Variants in CNTNAP2 observed in about 807,000 individuals in gnomAD.
The protein encoded by CNTNAP2 is contactin associated protein 2, also known as contactin-associated protein-like 2.
A neutral mutation model predicts 155.2 loss-of-function variants in CNTNAP2; 98 were observed. That is an observed-to-expected ratio of 0.63 (90% CI 0.54 to 0.75). The LOEUF (loss-of-function observed/expected upper bound fraction) is 0.75, where lower values mean the gene tolerates loss of function less well. Ranked by LOEUF, CNTNAP2 falls within the 30% of genes least tolerant of loss-of-function variation. The probability of loss-of-function intolerance (pLI) is 0.00; values close to 1 mark genes in which losing one functional copy is unlikely to be tolerated. For synonymous variants in CNTNAP2, 651 were observed against 631.2 expected (o/e 1.03, Z -0.47); for missense variants, 1,727 against 1,688.1 (o/e 1.02, Z -0.40).
At chr7:146,756,364 A>G (rs1801995548) in intron 1 of CNTNAP2, among the ~76,000 whole-genome samples, 1 of 152,126 alleles carries the variant, frequency 6.6e-6, no homozygotes, top group Non-Finnish European at 1.5e-5. Context: ...CTCCATTAGC[A>G]TAGTGGTATG....
intron 9 of CNTNAP2, among the ~76,000 whole-genome samples, chr7:147,394,686 C>G (rs934980357): frequency 6.6e-6 from 1 of 151,732 alleles, no homozygotes; most frequent in Non-Finnish European, 1.5e-5. Flanking sequence ...GCATGTTTCT[C>G]TTAAAAAGAT....
intron 1 of CNTNAP2, among the ~76,000 whole-genome samples, chr7:146,469,392 AT>A (rs1280982530): frequency 6.6e-6 from 1 of 151,978 alleles, no homozygotes; most frequent in African/African-American, 2.4e-5. Context: ...AAAAAAAAAA[AT>A]AGTGCCACTG....
At chr7:146,247,265 TGCCTTTA>T (rs1344569291) in intron 1 of CNTNAP2, among the ~76,000 whole-genome samples, 1 of 152,166 alleles carries the variant, frequency 6.6e-6, no homozygotes, top group Non-Finnish European at 1.5e-5. Context: ...ACCTTGACTA[TGCCTTTA>T]GCTTCAGCCA....
chr7:147,570,332 T>C (rs983942458), intron 12 of CNTNAP2, among the ~76,000 whole-genome samples: 6 of 152,236 alleles, frequency 3.9e-5, no homozygotes, highest in African/African-American at 1.4e-4. Flanking sequence ...TGCTTACCTA[T>C]GTGCCTCTGT....
At chr7:148,061,888 TAGA>T (rs2116512613) in intron 15 of CNTNAP2, among the ~76,000 whole-genome samples, 1 of 120,918 alleles carries the variant, frequency 8.3e-6, no homozygotes, top group African/African-American at 3.8e-5. Flanking sequence ...TATAGATAGA[TAGA>T]TAGATAGATA....
At chr7:146,283,977 C>A (rs1800290292) in intron 1 of CNTNAP2, among the ~76,000 whole-genome samples, 1 of 152,076 alleles carries the variant, frequency 6.6e-6, no homozygotes, top group Non-Finnish European at 1.5e-5. Context: ...TTTATACTCC[C>A]AATACAAACT....
intron 15 of CNTNAP2, among the ~76,000 whole-genome samples, chr7:148,075,919 G>A (rs1029860191): frequency 4.6e-5 from 7 of 152,110 alleles, no homozygotes; most frequent in Admixed American, 2.6e-4. Flanking sequence ...GAAGAGTTTG[G>A]TGATGAGTCG....
At chr7:147,059,943 T>C (rs991971390) in intron 4 of CNTNAP2, among the ~76,000 whole-genome samples, 5 of 152,234 alleles carry the variant, frequency 3.3e-5, no homozygotes, top group Non-Finnish European at 7.4e-5. Flanking sequence ...TTATAGTTTG[T>C]ATCCAGAATT....
At chr7:146,716,719 T>C (rs1801194984) in intron 1 of CNTNAP2, among the ~76,000 whole-genome samples, 1 of 152,188 alleles carries the variant, frequency 6.6e-6, no homozygotes, top group Non-Finnish European at 1.5e-5. Context: ...TTATAATATC[T>C]GCCTACCTAT....
chr7:148,343,380 T>C (rs1291538403), intron 21 of CNTNAP2, among the ~76,000 whole-genome samples: 1 of 152,220 alleles, frequency 6.6e-6, no homozygotes, highest in African/African-American at 2.4e-5. Flanking sequence ...TCAGCATTTG[T>C]CAATGTATTT....
chr7:147,700,812 T>G (rs1796226461), intron 13 of CNTNAP2, among the ~76,000 whole-genome samples: 1 of 152,186 alleles, frequency 6.6e-6, no homozygotes, highest in African/African-American at 2.4e-5. Flanking sequence ...GTCCCTAAAC[T>G]CCTTAGTATC....
At chr7:147,922,109 C>T (rs748041117) in intron 14 of CNTNAP2, among the ~76,000 whole-genome samples, 7 of 152,204 alleles carry the variant, frequency 4.6e-5, no homozygotes, top group Non-Finnish European at 8.8e-5. Flanking sequence ...ACAATAATCA[C>T]ATTTAATCCT....
intron 1 of CNTNAP2, among the ~76,000 whole-genome samples, chr7:146,448,737 A>G (rs922538808): frequency 2.6e-5 from 4 of 152,238 alleles, no homozygotes; most frequent in South Asian, 2.1e-4. Flanking sequence ...TGTCGATCAC[A>G]CATAATCACT....
At chr7:147,423,112 A>G (rs889355216) in intron 10 of CNTNAP2, among the ~76,000 whole-genome samples, 6 of 152,286 alleles carry the variant, frequency 3.9e-5, no homozygotes, top group Middle Eastern at 3.4e-3. Context: ...TAAGTGTCCT[A>G]TACAACAGGT....
intron 8 of CNTNAP2, among the ~76,000 whole-genome samples, chr7:147,138,765 T>C (rs1469427782): frequency 3.3e-5 from 5 of 152,050 alleles, no homozygotes; most frequent in African/African-American, 4.8e-5. Context: ...GTTTCTACAA[T>C]ATTTTTGAGC....
chr7:147,905,686 C>G (rs939923256), intron 14 of CNTNAP2, among the ~76,000 whole-genome samples: 2 of 152,184 alleles, frequency 1.3e-5, no homozygotes, highest in African/African-American at 4.8e-5. Context: ...AGTTCGAGAC[C>G]AGCCTGCCCA....
intron 1 of CNTNAP2, among the ~76,000 whole-genome samples, chr7:146,754,191 A>T (rs989990226): frequency 6.6e-6 from 1 of 152,044 alleles, no homozygotes; most frequent in Non-Finnish European, 1.5e-5. Flanking sequence ...CTTCATTCTC[A>T]GAAGGTATAC....
intron 1 of CNTNAP2, among the ~76,000 whole-genome samples, chr7:146,647,878 T>A (rs988386124): frequency 3.3e-5 from 5 of 152,202 alleles, no homozygotes; most frequent in Admixed American, 1.3e-4. Flanking sequence ...ATAAAGAACA[T>A]GTTTTATATT....
chr7:147,150,016 A>T (rs1350042608), intron 8 of CNTNAP2, among the ~76,000 whole-genome samples: 1 of 152,226 alleles, frequency 6.6e-6, no homozygotes, highest in Non-Finnish European at 1.5e-5. Context: ...TTTAGCTGAT[A>T]TGGAAAAGAA....
Sources: allele counts gnomAD v4.1 joint callset (sites outside exome capture counted in the v4.1 genomes callset), GRCh38; gene constraint gnomAD v4.1.1; transcripts MANE v1.5; gene names NCBI Gene and HGNC (gene_info 2026-07-23, HGNC 2026-07-21).